RALYL: variants seen among roughly 807,000 people sequenced by gnomAD.
RALYL encodes RNA-binding Raly-like protein.
In RALYL, 29 loss-of-function variants were observed where a neutral mutation model predicts 35.1. The ratio of observed to expected loss-of-function variants is 0.83; its 90% CI spans 0.61 to 1.13. The LOEUF is 1.13. RALYL is among the 50% of genes most tolerant of loss of function. The pLI, the probability that RALYL is intolerant of heterozygous loss-of-function variation, is 0.00. For missense variants in RALYL, 359 were observed against 360.4 expected, an observed-to-expected ratio of 1.00 and a Z score of 0.03; for synonymous variants, 120 against 127.6, an observed-to-expected ratio of 0.94 and a Z score of 0.40.
At chr8:84,416,665 G>C (rs1251430222) in intron 1 of RALYL, among the ~76,000 whole-genome samples, 1 of 152,026 alleles carries the variant, frequency 6.6e-6, no homozygotes, top group Non-Finnish European at 1.5e-5. Flanking sequence ...TCAAAAATTA[G>C]AATGGCCATT....
chr8:84,776,777 C>A (rs1257253886), intron 3 of RALYL, among the ~76,000 whole-genome samples: 3 of 152,088 alleles, frequency 2.0e-5, no homozygotes, highest in Non-Finnish European at 4.4e-5. Context: ...ACATGAATGT[C>A]ATTTTCACTA....
chr8:84,688,853 G>A (rs529871721), intron 2 of RALYL, among the ~76,000 whole-genome samples: 5 of 152,012 alleles, frequency 3.3e-5, no homozygotes, highest in South Asian at 4.1e-4. Flanking sequence ...TCTAAAATAC[G>A]TAAGAAACTC....
chr8:84,565,111 G>A (rs1201978691), intron 2 of RALYL, among the ~76,000 whole-genome samples: 2 of 151,372 alleles, frequency 1.3e-5, no homozygotes, highest in Non-Finnish European at 3.0e-5. Context: ...TCCACCTTCT[G>A]GTGACCAATG....
intron 1 of RALYL, among the ~76,000 whole-genome samples, chr8:84,485,130 T>C (rs944003539): frequency 6.6e-6 from 1 of 152,148 alleles, no homozygotes; most frequent in African/African-American, 2.4e-5. Flanking sequence ...TATTTAAGGG[T>C]TCCATTCTTA....
At chr8:84,799,800 C>CA (rs1476084071) in intron 3 of RALYL, among the ~76,000 whole-genome samples, 1 of 152,048 alleles carries the variant, frequency 6.6e-6, no homozygotes, top group East Asian at 1.9e-4. Context: ...ACTAAAAATA[C>CA]AAAAAATTAA....
intron 1 of RALYL, among the ~76,000 whole-genome samples, chr8:84,493,110 C>G (rs1041645927): frequency 1.2e-4 from 19 of 152,042 alleles, no homozygotes; most frequent in African/African-American, 4.6e-4. Flanking sequence ...TTGTTCCCCT[C>G]CCTGTGTCCA....
At chr8:84,762,489 A>G (rs1812952924) in intron 2 of RALYL, among the ~76,000 whole-genome samples, 1 of 152,184 alleles carries the variant, frequency 6.6e-6, no homozygotes. Context: ...GCTCATAGAC[A>G]CTTTATGAAA....
intron 2 of RALYL, among the ~76,000 whole-genome samples, chr8:84,688,541 G>T (rs549889311): frequency 1.3e-5 from 2 of 152,098 alleles, no homozygotes; most frequent in East Asian, 1.9e-4. Flanking sequence ...AAAAAAACTT[G>T]ATTCTTGTTT....
intron 1 of RALYL, among the ~76,000 whole-genome samples, chr8:84,469,360 C>G (rs1289781285): frequency 1.3e-5 from 2 of 152,144 alleles, no homozygotes; most frequent in East Asian, 3.9e-4. Context: ...TTCCTTCTAA[C>G]AGAGAGGACC....
At chr8:84,364,951 A>AT (rs201505924) in intron 1 of RALYL, among the ~76,000 whole-genome samples, 17 of 151,694 alleles carry the variant, frequency 1.1e-4, no homozygotes, top group South Asian at 4.2e-4. Context: ...ATAGTTTTGA[A>AT]TTTTTTTTTA....
chr8:84,908,736 C>T (rs1403020489), intron 8 of RALYL, among the ~76,000 whole-genome samples: 1 of 152,030 alleles, frequency 6.6e-6, no homozygotes, highest in Non-Finnish European at 1.5e-5. Flanking sequence ...TATTGGGCAG[C>T]CCTAGCAGTT....
chr8:84,197,803 G>A (rs935745203), intron 1 of RALYL, among the ~76,000 whole-genome samples: 11 of 151,174 alleles, frequency 7.3e-5, no homozygotes, highest in East Asian at 1.9e-4. Context: ...AAAAATAAGC[G>A]AAACTTATTT....
intron 1 of RALYL, among the ~76,000 whole-genome samples, chr8:84,274,822 C>G (rs1563650779): frequency 6.6e-6 from 1 of 152,120 alleles, no homozygotes; most frequent in Non-Finnish European, 1.5e-5. Flanking sequence ...GTCATCTCTT[C>G]TTATGGTAGT....
At chr8:84,766,056 T>C (rs1813871023) in intron 2 of RALYL, among the ~76,000 whole-genome samples, 1 of 152,174 alleles carries the variant, frequency 6.6e-6, no homozygotes, top group South Asian at 2.1e-4. Context: ...TGTCAGTTTA[T>C]TGTAGCAGTG....
At chr8:84,575,364 GACTT>G (rs1588280472) in intron 2 of RALYL, among the ~76,000 whole-genome samples, 1 of 152,232 alleles carries the variant, frequency 6.6e-6, no homozygotes, top group East Asian at 1.9e-4. Flanking sequence ...TAATTTGAAA[GACTT>G]ACTTTCTTCT....
intron 2 of RALYL, among the ~76,000 whole-genome samples, chr8:84,602,118 C>T (rs1268532939): frequency 6.6e-6 from 1 of 152,094 alleles, no homozygotes; most frequent in Admixed American, 6.6e-5. Context: ...ATAAAAATGC[C>T]TTAACCATGA....
At chr8:84,551,205 G>T (rs1028231536) in intron 2 of RALYL, among the ~76,000 whole-genome samples, 1 of 151,408 alleles carries the variant, frequency 6.6e-6, no homozygotes, top group African/African-American at 2.4e-5. Flanking sequence ...GAATATAAAC[G>T]GTACCTGGAA....
In RALYL at chr8:84,862,371, CACA is replaced by C. The variant is rs1838280648; in HGVS notation, c.492_494del (p.Thr166del). 3 of 1,607,232 alleles carry C rather than the reference CACA, an allele frequency of 1.9e-6. No homozygotes were observed. The highest frequency in any genetic ancestry group is 2.7e-5 in the African/African-American group (2 of 74,410). On this transcript the variant is annotated inframe_deletion, in exon 6 of 9. Coordinates refer to ENST00000521268, the MANE Select transcript of RALYL (RefSeq NM_173848.7). ...CGCTGAAGCGTCCCAGAGTGGCAGT[CACA>C]ACGACTCGCAGGGGGAAAGGAGTCT... is the stretch of plus-strand genomic sequence containing the variant.
At chr8:84,659,357 C>T (rs1343543388) in intron 2 of RALYL, among the ~76,000 whole-genome samples, 1 of 151,998 alleles carries the variant, frequency 6.6e-6, no homozygotes, top group South Asian at 2.1e-4. Context: ...GGTCTGGCTG[C>T]GGTGTTCCCC....
Sources: allele counts gnomAD v4.1 joint callset (sites outside exome capture counted in the v4.1 genomes callset), GRCh38; gene constraint gnomAD v4.1.1; transcripts MANE v1.5; gene names NCBI Gene and HGNC (gene_info 2026-07-23, HGNC 2026-07-21).